NRXN3: variants seen among roughly 807,000 people sequenced by gnomAD.
NRXN3 encodes the protein neurexin 3.
Under a neutral mutation model 137.6 loss-of-function variants are expected in NRXN3, and 32 were observed. The ratio of observed to expected loss-of-function variants is 0.23; its 90% CI spans 0.18 to 0.31. The LOEUF (loss-of-function observed/expected upper bound fraction) is 0.31. Ranked by LOEUF, NRXN3 falls within the 10% of genes least tolerant of loss-of-function variation. The pLI, the probability that NRXN3 is intolerant of heterozygous loss-of-function variation, is 1.00. For synonymous variants in NRXN3, 798 were observed against 784.5 expected (o/e 1.02, Z -0.29); for missense variants, 1,574 against 2,062.5 (o/e 0.76, Z 4.59).
At chr14:78,629,770 C>T (rs763537985) in intron 4 of NRXN3, among the ~76,000 whole-genome samples, 2 of 152,174 alleles carry the variant, frequency 1.3e-5, no homozygotes, top group Admixed American at 6.5e-5. Context: ...AAAGACTCTT[C>T]TGAATTCTCA....
chr14:79,400,852 T>A (rs1046180571), intron 15 of NRXN3, among the ~76,000 whole-genome samples: 1 of 152,212 alleles, frequency 6.6e-6, no homozygotes, highest in Non-Finnish European at 1.5e-5. Context: ...AGCCTATATA[T>A]GTTGCATATA....
At chr14:79,169,995 C>T (rs1051378929) in intron 15 of NRXN3, among the ~76,000 whole-genome samples, 8 of 152,012 alleles carry the variant, frequency 5.3e-5, no homozygotes, top group Non-Finnish European at 7.4e-5. Flanking sequence ...CATAAGCTGG[C>T]GTGTCTTATC....
intron 15 of NRXN3, among the ~76,000 whole-genome samples, chr14:79,320,964 ATGTT>A (rs902421571): frequency 6.6e-6 from 1 of 152,102 alleles, no homozygotes; most frequent in Non-Finnish European, 1.5e-5. Flanking sequence ...TACTCAATAA[ATGTT>A]TGTTGAATGA....
At chr14:79,703,252 A>G (rs1159668923) in intron 19 of NRXN3, among the ~76,000 whole-genome samples, 3 of 152,302 alleles carry the variant, frequency 2.0e-5, no homozygotes, top group East Asian at 3.9e-4. Context: ...AAAAATTCTT[A>G]TAGGCAAAGT....
intron 4 of NRXN3, among the ~76,000 whole-genome samples, chr14:78,611,780 A>G (rs1045461652): frequency 6.6e-6 from 1 of 152,234 alleles, no homozygotes; most frequent in African/African-American, 2.4e-5. Flanking sequence ...CTATCTTCTT[A>G]CTGAATAATC....
chr14:79,236,185 G>C (rs2073326428), intron 15 of NRXN3, among the ~76,000 whole-genome samples: 1 of 152,108 alleles, frequency 6.6e-6, no homozygotes, highest in Non-Finnish European at 1.5e-5. Flanking sequence ...TTCCAAAGTA[G>C]TTTCAAATCC....
intron 8 of NRXN3, among the ~76,000 whole-genome samples, chr14:78,772,732 A>T (rs1393122424): frequency 6.6e-6 from 1 of 152,172 alleles, no homozygotes; most frequent in Non-Finnish European, 1.5e-5. Flanking sequence ...CTCCCAGGGA[A>T]TTCCAGTGCT....
At chr14:79,407,120 T>C (rs560159294) in intron 15 of NRXN3, among the ~76,000 whole-genome samples, 1 of 152,240 alleles carries the variant, frequency 6.6e-6, no homozygotes, top group South Asian at 2.1e-4. Context: ...TGGTTTCCTC[T>C]CAGGAGGCAT....
At chr14:79,417,153 A>G (rs755176161) in intron 15 of NRXN3, among the ~76,000 whole-genome samples, 2 of 152,134 alleles carry the variant, frequency 1.3e-5, no homozygotes, top group Non-Finnish European at 2.9e-5. Context: ...GATGATTATT[A>G]TCTATTTCAT....
At chr14:79,658,424 G>C (rs2098517088) in intron 16 of NRXN3, among the ~76,000 whole-genome samples, 1 of 152,156 alleles carries the variant, frequency 6.6e-6, no homozygotes, top group South Asian at 2.1e-4. Context: ...CAATGACCCG[G>C]AATGACAAAG....
At chr14:78,911,953 G>T (rs1407204167) in intron 10 of NRXN3, among the ~76,000 whole-genome samples, 6 of 151,568 alleles carry the variant, frequency 4.0e-5, no homozygotes, top group Non-Finnish European at 7.4e-5. Context: ...AAGTTTTAGG[G>T]TACATGTGCA....
chr14:78,470,406 T>G (rs576066926), intron 4 of NRXN3, among the ~76,000 whole-genome samples: 1 of 152,230 alleles, frequency 6.6e-6, no homozygotes, highest in South Asian at 2.1e-4. Flanking sequence ...CTTCAAATAT[T>G]ATACTTAGAG....
At chr14:78,591,224 G>T (rs926014820) in intron 4 of NRXN3, among the ~76,000 whole-genome samples, 1 of 152,162 alleles carries the variant, frequency 6.6e-6, no homozygotes, top group Non-Finnish European at 1.5e-5. Flanking sequence ...CTGCTGAGAA[G>T]TCGCCCCTAT....
At chr14:79,685,227 T>C (rs61995224) in intron 17 of NRXN3, among the ~76,000 whole-genome samples, 9,244 of 152,300 alleles carry the variant, frequency 0.061, 321 homozygotes, top group South Asian at 0.094. Flanking sequence ...ATGCTTTATA[T>C]ACATTTCCTT....
chr14:79,743,509 C>G (rs1164435609), intron 19 of NRXN3, among the ~76,000 whole-genome samples: 1 of 152,164 alleles, frequency 6.6e-6, no homozygotes, highest in African/African-American at 2.4e-5. Context: ...ATGAGAATGA[C>G]TTAACCCCCC....
rs1395369281 is a variant in NRXN3, at chr14:78,803,808, C to T, written c.2233C>T (p.Leu745Phe). Reference sequence around the variant, plus strand: ...GGAGCTGGATGGGGGGCGTGTCAAGCTCATGGTTAACTTAGGTATCGTATG... The same window carrying T: ...GGAGCTGGATGGGGGGCGTGTCAAGTTCATGGTTAACTTAGGTATCGTATG... ...RLELDGGRVK[L>F]MVNLDCIRIN... The change falls in exon 9 of 21, where the codon CTC (leucine) becomes TTC (phenylalanine). Residue 745 changes from leucine to phenylalanine, a missense_variant. Coordinates refer to ENST00000335750, the MANE Select transcript of NRXN3 (RefSeq NM_001330195.2). 1.2e-6 allele frequency: 2 copies of T among 1,613,684 alleles called. No individual in the cohort carries two copies. The highest frequency in any genetic ancestry group is 1.7e-6 in the Non-Finnish European group (2 of 1,179,992).
At chr14:79,215,360 TA>T (rs1240419946) in intron 15 of NRXN3, among the ~76,000 whole-genome samples, 1 of 151,894 alleles carries the variant, frequency 6.6e-6, no homozygotes, top group Non-Finnish European at 1.5e-5. Flanking sequence ...TTAGAAACAA[TA>T]GAGGCAGAAA....
intron 3 of NRXN3, among the ~76,000 whole-genome samples, chr14:78,289,440 G>A (rs1289853229): frequency 6.6e-6 from 1 of 152,108 alleles, no homozygotes; most frequent in African/African-American, 2.4e-5. Context: ...GAGATCATCA[G>A]AATTCATAGA....
At chr14:79,090,869 C>A (rs370003500) in intron 15 of NRXN3, among the ~76,000 whole-genome samples, 4 of 152,070 alleles carry the variant, frequency 2.6e-5, no homozygotes, top group African/African-American at 9.7e-5. Flanking sequence ...AATTTCCCAG[C>A]ATTTACAGCC....
Sources: gnomAD v4.1 joint callset for allele counts (sites outside exome capture counted in the v4.1 genomes callset) on GRCh38, gnomAD v4.1.1 for gene constraint, MANE v1.5 for transcripts, NCBI Gene and HGNC (gene_info 2026-07-23, HGNC 2026-07-21) for gene names.